Variants in NLGN1 observed in about 807,000 individuals in gnomAD.
NLGN1 encodes the protein neuroligin-1.
A neutral mutation model predicts 65.5 loss-of-function variants in NLGN1; 12 were observed. That is an observed-to-expected ratio of 0.18 (90% confidence interval 0.12 to 0.30). NLGN1 has a LOEUF of 0.30. NLGN1 is among the 10% of genes least tolerant of loss of function. The pLI, the probability that NLGN1 is intolerant of heterozygous loss-of-function variation, is 1.00. For missense variants in NLGN1, 750 were observed against 1,007.1 expected, an observed-to-expected ratio of 0.74 and a Z score of 3.46; for synonymous variants, 350 against 359.5, an observed-to-expected ratio of 0.97 and a Z score of 0.30.
At chr3:173,503,427 A>C (rs896607335) in intron 2 of NLGN1, among the ~76,000 whole-genome samples, 7 of 152,104 alleles carry the variant, frequency 4.6e-5, no homozygotes, top group African/African-American at 1.7e-4. Flanking sequence ...GCTTCAAGCC[A>C]AACACTGAAC....
At chr3:174,114,990 G>A (rs1440442440) in intron 4 of NLGN1, among the ~76,000 whole-genome samples, 1 of 152,160 alleles carries the variant, frequency 6.6e-6, no homozygotes, top group Non-Finnish European at 1.5e-5. Flanking sequence ...AATTGGATCA[G>A]AATCTAGATT....
At chr3:173,612,000 T>C (rs16828485) in intron 3 of NLGN1, among the ~76,000 whole-genome samples, 13,267 of 152,020 alleles carry the variant, frequency 0.087, 714 homozygotes, top group South Asian at 0.21. Context: ...TAGAATGCAA[T>C]GGTTTTTTTT....
At chr3:173,842,790 A>G (rs1310130554) in intron 4 of NLGN1, among the ~76,000 whole-genome samples, 1 of 152,132 alleles carries the variant, frequency 6.6e-6, no homozygotes, top group Non-Finnish European at 1.5e-5. Context: ...TGGCTTTTCC[A>G]GGTGCATGGT....
At chr3:174,161,180 T>A (rs1726435504) in intron 4 of NLGN1, among the ~76,000 whole-genome samples, 1 of 149,710 alleles carries the variant, frequency 6.7e-6, no homozygotes, top group South Asian at 2.1e-4. Flanking sequence ...CAGCTCCAAA[T>A]CTGTGATGGA....
intron 3 of NLGN1, among the ~76,000 whole-genome samples, chr3:173,638,320 A>G (rs528295099): frequency 2.6e-5 from 4 of 151,996 alleles, no homozygotes; most frequent in African/African-American, 4.8e-5. Context: ...TGGTTCAGTC[A>G]ACTTCAATAG....
At chr3:173,763,108 T>C (rs1248611603) in intron 3 of NLGN1, among the ~76,000 whole-genome samples, 1 of 152,060 alleles carries the variant, frequency 6.6e-6, no homozygotes, top group African/African-American at 2.4e-5. Flanking sequence ...GACAAAGCTT[T>C]GGGAGCTTAC....
chr3:173,406,101 T>G (rs1718597205), intron 1 of NLGN1, among the ~76,000 whole-genome samples: 1 of 152,126 alleles, frequency 6.6e-6, no homozygotes, highest in South Asian at 2.1e-4. Context: ...CATACATATC[T>G]TACTTGTTCT....
chr3:173,708,234 A>T (rs1768360605), intron 3 of NLGN1, among the ~76,000 whole-genome samples: 2 of 152,200 alleles, frequency 1.3e-5, no homozygotes, highest in Non-Finnish European at 2.9e-5. Context: ...ATATACTTTT[A>T]TAATGACCCA....
chr3:173,907,270 C>T (rs1738604720), intron 4 of NLGN1, among the ~76,000 whole-genome samples: 1 of 152,174 alleles, frequency 6.6e-6, no homozygotes, highest in Non-Finnish European at 1.5e-5. Context: ...CTCAGCAACT[C>T]CTTGTTATTC....
At chr3:173,748,907 A>G (rs1290000830) in intron 3 of NLGN1, among the ~76,000 whole-genome samples, 1 of 151,902 alleles carries the variant, frequency 6.6e-6, no homozygotes, top group Non-Finnish European at 1.5e-5. Context: ...CCTTGATACT[A>G]CCCCTGGATA....
intron 4 of NLGN1, among the ~76,000 whole-genome samples, chr3:173,986,337 C>T (rs1250872918): frequency 6.6e-6 from 1 of 151,778 alleles, no homozygotes; most frequent in Non-Finnish European, 1.5e-5. Context: ...CATGGTGGTG[C>T]GTGCCTGTAA....
chr3:173,694,292 G>A (rs1455097767), intron 3 of NLGN1, among the ~76,000 whole-genome samples: 1 of 152,092 alleles, frequency 6.6e-6, no homozygotes, highest in African/African-American at 2.4e-5. Flanking sequence ...GACAAGATGA[G>A]CACAAATAAA....
chr3:174,087,769 A>G (rs1175847354), intron 4 of NLGN1, among the ~76,000 whole-genome samples: 1 of 152,250 alleles, frequency 6.6e-6, no homozygotes, highest in African/African-American at 2.4e-5. Context: ...GTAAGGATCC[A>G]TCACTCAATG....
At chr3:173,780,208 G>C (rs1329044183) in intron 3 of NLGN1, among the ~76,000 whole-genome samples, 1 of 152,122 alleles carries the variant, frequency 6.6e-6, no homozygotes, top group Non-Finnish European at 1.5e-5. Flanking sequence ...ATTAAAGATT[G>C]TATTAATCTA....
intron 1 of NLGN1, among the ~76,000 whole-genome samples, chr3:173,426,433 A>G (rs148433039): frequency 3.6e-4 from 55 of 152,124 alleles, no homozygotes; most frequent in Middle Eastern, 6.8e-3. Flanking sequence ...AAGTTTTTCA[A>G]ATTTTCCCCA....
intron 4 of NLGN1, among the ~76,000 whole-genome samples, chr3:174,151,140 G>T (rs6809392): frequency 6.6e-6 from 1 of 151,358 alleles, no homozygotes; most frequent in Non-Finnish European, 1.5e-5. Flanking sequence ...TTGATGAGTG[G>T]TGTCTTTTAC....
intron 4 of NLGN1, among the ~76,000 whole-genome samples, chr3:174,146,106 T>TTCCC (rs1399485838): frequency 1.2e-4 from 13 of 111,480 alleles, no homozygotes; most frequent in Non-Finnish European, 3.4e-5. Context: ...CCTTCCTTCC[T>TTCCC]TCCTTCCTTC....
At chr3:173,613,411 T>C (rs1218166546) in intron 3 of NLGN1, among the ~76,000 whole-genome samples, 1 of 152,104 alleles carries the variant, frequency 6.6e-6, no homozygotes. Flanking sequence ...AGAAGTTCTT[T>C]TAATTTGTTT....
intron 4 of NLGN1, among the ~76,000 whole-genome samples, chr3:173,900,839 T>A (rs570002450): frequency 6.6e-6 from 1 of 152,008 alleles, no homozygotes; most frequent in Non-Finnish European, 1.5e-5. Context: ...TTCAACATTT[T>A]ACCCTGATAG....
Sources: allele counts gnomAD v4.1 joint callset (sites outside exome capture counted in the v4.1 genomes callset), GRCh38; gene constraint gnomAD v4.1.1; transcripts MANE v1.5; gene names NCBI Gene and HGNC (gene_info 2026-07-23, HGNC 2026-07-21).